NKX1-2: variants seen among roughly 807,000 people sequenced by gnomAD.
The protein encoded by NKX1-2 is NK1 transcription factor-related protein 2.
In NKX1-2, 1 loss-of-function variant was observed where a neutral mutation model predicts 4.4. That is an observed-to-expected ratio of 0.23 (90% CI 0.08 to 1.08). The LOEUF is 1.08. Among genes scored for constraint, NKX1-2 ranks in the 50% least tolerant of loss-of-function variants. The pLI is 0.55. For synonymous variants in NKX1-2, 235 were observed against 228.0 expected, an observed-to-expected ratio of 1.03 and a Z score of -0.28; for missense variants, 503 against 464.6, an observed-to-expected ratio of 1.08 and a Z score of -0.76.
Position 124,449,325 on chromosome 10 carries a change from T to G in NKX1-2, c.214+405A>C. 1 of 430,822 alleles carries G rather than the reference T, an allele frequency of 2.3e-6. No individual in the cohort carries two copies. Among genetic ancestry groups the G allele is most frequent in the Admixed American group, 2.5e-5 (1 of 40,508 alleles). 26.7% of individuals were successfully genotyped at this position (430,822 alleles called of 1,614,324 possible). A position where few individuals can be genotyped will look rare whatever the true frequency, so the allele number is the denominator to read the frequency against. ...TCCCCCATCCATAAAATGGAGGTGA[T>G]GTTAATGATGCTGTCCATCTCTCAG... On this transcript the variant is annotated intron_variant, in intron 1 of 1. Coordinates refer to ENST00000451024, the MANE Select transcript of NKX1-2 (RefSeq NM_001146340.3). The surrounding 1 kb of genome is among the most constrained non-coding windows in gnomAD (Gnocchi z 7.5).
In NKX1-2 at chr10:124,447,451, G is replaced by A. The variant is rs939416517; in HGVS notation, c.911C>T (p.Pro304Leu). ...GATTCATAGACGCGGGGCGTAGAAG[G>A]GGGTCAGGTAGGAAGGCCCAAGGAA... ...APFLGPSYLT[P>L]FYAPRL The change falls in exon 2 of 2, where the codon CCC (proline) becomes CTC (leucine). Residue 304 changes from proline (P) to leucine (L), a missense_variant. Pro to Leu is a moderately conservative substitution (Grantham distance 98). Coordinates refer to ENST00000451024, the MANE Select transcript of NKX1-2 (RefSeq NM_001146340.3). The A allele has an allele frequency of 8.0e-7, 1 of 1,256,380 alleles. No individual in the cohort carries two copies. Among genetic ancestry groups the A allele is most frequent in the Admixed American group, 4.2e-5 (1 of 23,808 alleles). The allele number at this position is 1,256,380 out of a possible 1,614,324, so 77.8% of individuals were successfully genotyped here.
chr10:124,447,251 C>T lies in NKX1-2; in HGVS notation c.*178G>A. ...CTTGAGGTCAGCCTCCGTCCCCGGA[C>T]ACTTTGAAGGACGGCAGATCCCTGA... On this transcript the variant is annotated 3_prime_UTR_variant, in exon 2 of 2. Coordinates refer to ENST00000451024, the MANE Select transcript of NKX1-2 (RefSeq NM_001146340.3). 1 of 413,656 alleles carries T rather than the reference C, an allele frequency of 2.4e-6. No homozygotes were observed. The highest frequency in any genetic ancestry group is 4.2e-6 in the Non-Finnish European group (1 of 236,948). 25.6% of individuals were successfully genotyped at this position (413,656 alleles called of 1,614,324 possible).
rs1047668202 is a variant in NKX1-2, at chr10:124,448,726, G to C, written c.215-579C>G. 1 of 152,682 alleles carries C rather than the reference G, an allele frequency of 6.5e-6. No homozygotes were observed. Among genetic ancestry groups the C allele is most frequent in the Non-Finnish European group, 1.5e-5 (1 of 68,396 alleles). The allele number at this position is 152,682 out of a possible 1,614,324, so 9.5% of individuals were successfully genotyped here. ...TCGAACAATATTAGGATCAGACAGGGAAAGGGGGTTTGAAGTCGGTACCTG... is the reference window on the plus strand; with the variant it reads ...TCGAACAATATTAGGATCAGACAGGCAAAGGGGGTTTGAAGTCGGTACCTG... On this transcript the variant is annotated intron_variant, in intron 1 of 1. Transcript: ENST00000451024. This position sits in a 1 kb window ranked among gnomAD's most constrained non-coding sequence, Gnocchi z 4.1.
Position 124,447,950 on chromosome 10 carries a change from GGCCGCCCCC to G in NKX1-2, c.403_411del (p.Gly135_Gly137del), listed in dbSNP as rs1278532723. The G allele has an allele frequency of 7.1e-7, 1 of 1,409,260 alleles. No individual in the cohort carries two copies. The allele number at this position is 1,409,260 out of a possible 1,614,324, so 87.3% of individuals were successfully genotyped here. A position where few individuals can be genotyped will look rare whatever the true frequency, so the allele number is the denominator to read the frequency against. On this transcript the variant is annotated inframe_deletion, in exon 2 of 2. Transcript: ENST00000451024. ...GGGGATCCCGGGGGGGACCTCACAG[GGCCGCCCCC>G]GCCGTCCTCGCAGGGCTCCCCAGAC...
Position 124,449,829 on chromosome 10 carries a change from C to T in NKX1-2, c.115G>A (p.Val39Met), listed in dbSNP as rs1952279246. 1 of 1,551,646 alleles carries T rather than the reference C, an allele frequency of 6.4e-7. No individual in the cohort carries two copies. The highest frequency in any genetic ancestry group is 1.4e-5 in the African/African-American group (1 of 73,166). The change falls in exon 1 of 2, where the codon GTG becomes ATG. Residue 39 changes from valine (V) to methionine (M), a missense_variant. Coordinates refer to ENST00000451024, the MANE Select transcript of NKX1-2 (RefSeq NM_001146340.3). This position sits in a 1 kb window ranked among gnomAD's most constrained non-coding sequence, Gnocchi z 7.5. ...CTGGCTTCCCGGGGAGCCGGGCGCA[C>T]GGCAGGGAGCGCTGCGCGGGTGAAT... ...QKFTRAALPA[V>M]RPAPREARKS...
In NKX1-2 at chr10:124,448,254, C is replaced by T. The variant is rs1256516928; in HGVS notation, c.215-107G>A. On this transcript the variant is annotated intron_variant, in intron 1 of 1. Transcript: ENST00000451024. The surrounding 1 kb of genome is among the most constrained non-coding windows in gnomAD (Gnocchi z 4.1). ...CCCCCCAACCCAACTCTGGGTGCTG[C>T]TCCTGTCCCCACATCGCGCTCCCCT... is the stretch of plus-strand genomic sequence containing the variant. 9.8e-6 allele frequency: 13 copies of T among 1,320,978 alleles called. No homozygotes were observed. The highest frequency in any genetic ancestry group is 1.5e-5 in the African/African-American group (1 of 64,888). 81.8% of individuals were successfully genotyped at this position (1,320,978 alleles called of 1,614,324 possible).
In NKX1-2 at chr10:124,448,189, C is replaced by T; in HGVS notation, c.215-42G>A. On this transcript the variant is annotated intron_variant, in intron 1 of 1. Transcript: ENST00000451024. This position sits in a 1 kb window ranked among gnomAD's most constrained non-coding sequence, Gnocchi z 4.1. ...CGGTGAACAGAAGCCTCTCCAGGTC[C>T]CCAAACCTCGTCCTCGTCCTCCCTA... is the stretch of plus-strand genomic sequence containing the variant. 1 of 1,400,964 alleles carries T rather than the reference C, an allele frequency of 7.1e-7. No homozygotes were observed. Among genetic ancestry groups the T allele is most frequent in the South Asian group, 1.5e-5 (1 of 64,858 alleles). 86.8% of individuals were successfully genotyped at this position (1,400,964 alleles called of 1,614,324 possible). A position where few individuals can be genotyped will look rare whatever the true frequency, so the allele number is the denominator to read the frequency against.
Position 124,447,888 on chromosome 10 carries a change from G to A in NKX1-2, c.474C>T (p.Pro158=). 2.1e-6 allele frequency: 3 copies of A among 1,436,868 alleles called. No homozygotes were observed. Among genetic ancestry groups the A allele is most frequent in the Non-Finnish European group, 2.8e-6 (3 of 1,089,154 alleles). The allele number at this position is 1,436,868 out of a possible 1,614,324, so 89.0% of individuals were successfully genotyped here. A position where few individuals can be genotyped will look rare whatever the true frequency, so the allele number is the denominator to read the frequency against. The change falls in exon 2 of 2, where the codon CCC becomes CCT. Residue 158 remains proline, a synonymous_variant. Coordinates refer to ENST00000451024, the MANE Select transcript of NKX1-2 (RefSeq NM_001146340.3). ...GCGCGCGCCGCGGCTTGGCGCAGTT[G>A]GGCTCCAGGCGCCGGCGCCTGGGAC... is the stretch of plus-strand genomic sequence containing the variant. The part of the protein sequence containing the change: ...SPRPRRRRLE[P]NCAKPRRART...
chr10:124,447,260 G>T lies in NKX1-2; in HGVS notation c.*169C>A. 2.4e-6 allele frequency: 1 copy of T among 424,114 alleles called. No homozygotes were observed. The highest frequency in any genetic ancestry group is 4.0e-6 in the Non-Finnish European group (1 of 247,472). 26.3% of individuals were successfully genotyped at this position (424,114 alleles called of 1,614,324 possible). A position where few individuals can be genotyped will look rare whatever the true frequency, so the allele number is the denominator to read the frequency against. ...AGCCTCCGTCCCCGGACACTTTGAAGGACGGCAGATCCCTGACCCCTTGGT... is the reference window on the plus strand; with the variant it reads ...AGCCTCCGTCCCCGGACACTTTGAATGACGGCAGATCCCTGACCCCTTGGT... On this transcript the variant is annotated 3_prime_UTR_variant, in exon 2 of 2. Transcript: ENST00000451024.
rs1952252905 is a variant in NKX1-2 at position 124,447,615 on chromosome 10, C to T, written c.747G>A (p.Ser249=). Residue 249 remains serine, a synonymous_variant, in exon 2 of 2, where the codon TCG becomes TCA. Transcript: ENST00000451024. Reference sequence around the variant, plus strand: ...TGCCGGGAGGGCCAGGACTGCCCCCCGAGCCGCCGCCGCCGCCGCCCCCCG... The same window carrying T: ...TGCCGGGAGGGCCAGGACTGCCCCCTGAGCCGCCGCCGCCGCCGCCCCCCG... ...GAAGGGGGGG[S]GGSPGPPGTG... 1 of 1,279,622 alleles carries T rather than the reference C, an allele frequency of 7.8e-7. No individual in the cohort carries two copies. The highest frequency in any genetic ancestry group is 3.8e-5 in the South Asian group (1 of 26,194). 79.3% of individuals were successfully genotyped at this position (1,279,622 alleles called of 1,614,324 possible).
Position 124,449,427 on chromosome 10 carries a change from T to C in NKX1-2, c.214+303A>G. On this transcript the variant is annotated intron_variant, in intron 1 of 1. Transcript: ENST00000451024. This position sits in a 1 kb window ranked among gnomAD's most constrained non-coding sequence, Gnocchi z 7.5. ...CGTGGCAAGCGCATTAAATGCCCGA[T>C]AAATGAGTAAGCCTGGCAAGACAGG... The C allele has an allele frequency of 1.6e-6, 1 of 637,462 alleles. No homozygotes were observed. The highest frequency in any genetic ancestry group is 3.2e-5 in the East Asian group (1 of 31,232). The allele number at this position is 637,462 out of a possible 1,614,324, so 39.5% of individuals were successfully genotyped here.
In NKX1-2 at chr10:124,447,320, G is replaced by A. The variant is rs1479560259; in HGVS notation, c.*109C>T. ...GGATCGCGGGTGCGCGCGGCGGGCA[G>A]GGGTGCGCTGACACCCGCGCACCTG... On this transcript the variant is annotated 3_prime_UTR_variant, in exon 2 of 2. Transcript: ENST00000451024. The A allele has an allele frequency of 1.2e-6, 1 of 836,864 alleles. No individual in the cohort carries two copies. Among genetic ancestry groups the A allele is most frequent in the Non-Finnish European group, 1.6e-6 (1 of 614,674 alleles). The allele number at this position is 836,864 out of a possible 1,614,324, so 51.8% of individuals were successfully genotyped here. A position where few individuals can be genotyped will look rare whatever the true frequency, so the allele number is the denominator to read the frequency against.
Position 124,447,643 on chromosome 10 carries a change from G to GCCCCTGGCTGGGGCGCGCCA in NKX1-2, c.699_718dup (p.Ala240ValfsTer52), listed in dbSNP as rs1952253753. On this transcript the variant is annotated frameshift_variant, in exon 2 of 2. Coordinates refer to ENST00000451024, the MANE Select transcript of NKX1-2 (RefSeq NM_001146340.3). LOFTEE classifies it low-confidence loss of function (END_TRUNC). ...GCCGCCGCCGCCGCCGCCCCCCGCC[G>GCCCCTGGCTGGGGCGCGCCA]CCCCTGGCTGGGGCGCGCCACCCCC... 6 of 1,306,646 alleles carry GCCCCTGGCTGGGGCGCGCCA rather than the reference G, an allele frequency of 4.6e-6. No homozygotes were observed. The Admixed American group carries it at 2.0e-4, about 44-fold the overall frequency. 80.9% of individuals were successfully genotyped at this position (1,306,646 alleles called of 1,614,324 possible). A position where few individuals can be genotyped will look rare whatever the true frequency, so the allele number is the denominator to read the frequency against.
rs1952276614 is a variant in NKX1-2, at chr10:124,449,500, G to A, written c.214+230C>T. 1 of 695,806 alleles carries A rather than the reference G, an allele frequency of 1.4e-6. No individual in the cohort carries two copies. The highest frequency in any genetic ancestry group is 2.6e-6 in the Non-Finnish European group (1 of 381,202). 43.1% of individuals were successfully genotyped at this position (695,806 alleles called of 1,614,324 possible). On this transcript the variant is annotated intron_variant, in intron 1 of 1. Coordinates refer to ENST00000451024, the MANE Select transcript of NKX1-2 (RefSeq NM_001146340.3). This position sits in a 1 kb window ranked among gnomAD's most constrained non-coding sequence, Gnocchi z 7.5. ...AGCATCAGAACTGTGGTGCGGGTGA[G>A]CTTGGCGGGTGAGCAGGGATGCGGC...
At position 124,448,867 on chromosome 10, in the gene NKX1-2, T is replaced by C. The variant is rs3926050; in HGVS notation, c.215-720A>G. ...CCGAACAATTACCAGGCCGCCTGCCTGGGCCCAAGTGCGGCCGCCAGAGGC... is the reference window on the plus strand; with the variant it reads ...CCGAACAATTACCAGGCCGCCTGCCCGGGCCCAAGTGCGGCCGCCAGAGGC... On this transcript the variant is annotated intron_variant, in intron 1 of 1. Coordinates refer to ENST00000451024, the MANE Select transcript of NKX1-2 (RefSeq NM_001146340.3). This position sits in a 1 kb window ranked among gnomAD's most constrained non-coding sequence, Gnocchi z 4.1. Among the ~76,000 whole-genome samples the C allele has an allele frequency of 0.5, 76,673 of 151,982 alleles. 20,176 individuals carry two copies. Among genetic ancestry groups the C allele is most frequent in the African/African-American group, 0.65 (27,124 of 41,456 alleles).
chr10:124,449,350 G>A lies in NKX1-2; in HGVS notation c.214+380C>T, dbSNP rs1260558259. On this transcript the variant is annotated intron_variant, in intron 1 of 1. Coordinates refer to ENST00000451024, the MANE Select transcript of NKX1-2 (RefSeq NM_001146340.3). This position sits in a 1 kb window ranked among gnomAD's most constrained non-coding sequence, Gnocchi z 7.5. ...TGTTAATGATGCTGTCCATCTCTCAGGTTCCGAAGTTTTCATCACCTTTAT... is the reference window on the plus strand; with the variant it reads ...TGTTAATGATGCTGTCCATCTCTCAAGTTCCGAAGTTTTCATCACCTTTAT... The A allele has an allele frequency of 2.1e-6, 1 of 481,710 alleles. No homozygotes were observed. 29.8% of individuals were successfully genotyped at this position (481,710 alleles called of 1,614,324 possible). A position where few individuals can be genotyped will look rare whatever the true frequency, so the allele number is the denominator to read the frequency against.
Position 124,447,532 on chromosome 10 carries a change from G to T in NKX1-2, c.830C>A (p.Pro277Gln). 1 of 1,275,560 alleles carries T rather than the reference G, an allele frequency of 7.8e-7. No individual in the cohort carries two copies. Among genetic ancestry groups the T allele is most frequent in the Non-Finnish European group, 9.9e-7 (1 of 1,007,076 alleles). The allele number at this position is 1,275,560 out of a possible 1,614,324, so 79.0% of individuals were successfully genotyped here. A position where few individuals can be genotyped will look rare whatever the true frequency, so the allele number is the denominator to read the frequency against. Reference sequence around the variant, plus strand: ...CGTCAGCGGGAAGGAGGCGGCGGACGGGAAGAGGACATTGGCCGCGGAGTA... The same window carrying T: ...CGTCAGCGGGAAGGAGGCGGCGGACTGGAAGAGGACATTGGCCGCGGAGTA... Reference protein sequence around the residue: ...PSYSAANVLFPSAASFPLTAA... With the variant: ...PSYSAANVLFQSAASFPLTAA... Residue 277 changes from proline (P) to glutamine (Q), a missense_variant, in exon 2 of 2, where the codon CCG becomes CAG. Physicochemically the swap from Pro to Gln is moderately conservative, Grantham distance 76. Transcript: ENST00000451024.
rs1952277777 is a variant in NKX1-2, at chr10:124,449,668, C to T, written c.214+62G>A. ...GCCACTCACCGGGCCCGGCTGTTCC[C>T]CCATACACTCCGCATTGTTGGGGCT... On this transcript the variant is annotated intron_variant, in intron 1 of 1. Transcript: ENST00000451024. The surrounding 1 kb of genome is among the most constrained non-coding windows in gnomAD (Gnocchi z 7.5). 5.6e-6 allele frequency: 7 copies of T among 1,248,186 alleles called. No homozygotes were observed. In the South Asian group the frequency reaches 9.0e-5, roughly 16 times the overall value. The allele number at this position is 1,248,186 out of a possible 1,614,324, so 77.3% of individuals were successfully genotyped here.
In NKX1-2 at chr10:124,447,663, AC is replaced by A. The variant is rs746912328; in HGVS notation, c.698del (p.Gly233ValfsTer52). ...CCGCCGCCCCTGGCTGGGGCGCGCC[AC>A]CCCCCACCTGCGCCGCGCCGTCGGC... is the stretch of plus-strand genomic sequence containing the variant. ...PGADGAAQVGGGAPQPGAAGG... is the reference protein window; with the variant it reads ...PGADGAAQVGXGAPQPGAAGG... On this transcript the variant is annotated frameshift_variant, in exon 2 of 2. Coordinates refer to ENST00000451024, the MANE Select transcript of NKX1-2 (RefSeq NM_001146340.3). LOFTEE classifies it low-confidence loss of function (END_TRUNC). 6.7e-6 allele frequency: 9 copies of A among 1,349,516 alleles called. No individual in the cohort carries two copies. The highest frequency in any genetic ancestry group is 6.0e-5 in the Admixed American group (2 of 33,472). 83.6% of individuals were successfully genotyped at this position (1,349,516 alleles called of 1,614,324 possible).
Sources: gnomAD v4.1 joint callset for allele counts (sites outside exome capture counted in the v4.1 genomes callset) on GRCh38, gnomAD v4.1.1 for gene constraint, Gnocchi (gnomAD v3.1) non-coding constraint, MANE v1.5 for transcripts, NCBI Gene and HGNC (gene_info 2026-07-23, HGNC 2026-07-21) for gene names.